SPPL2A: variants seen among roughly 807,000 people sequenced by gnomAD.
SPPL2A encodes signal peptide peptidase like 2A.
SPPL2A carries 51 observed loss-of-function variants against 63.8 expected under a neutral mutation model. That is an observed-to-expected ratio of 0.80 (90% CI 0.64 to 1.01). The LOEUF (loss-of-function observed/expected upper bound fraction) is 1.01. Ranked by LOEUF, SPPL2A falls within the 50% of genes least tolerant of loss-of-function variation. SPPL2A has a pLI of 0.00. For synonymous variants in SPPL2A, 188 were observed against 205.8 expected (o/e 0.91, Z 0.74); for missense variants, 553 against 622.7 (o/e 0.89, Z 1.19).
intron 1 of SPPL2A, among the ~76,000 whole-genome samples, chr15:50,764,800 C>T (rs1248329875): frequency 1.3e-5 from 2 of 152,142 alleles, no homozygotes; most frequent in African/African-American, 4.8e-5. Context: ...TTAACCGACG[C>T]TCCCCACCCA....
chr15:50,735,264 A>C (rs1390611625), intron 8 of SPPL2A, among the ~76,000 whole-genome samples: 1 of 152,054 alleles, frequency 6.6e-6, no homozygotes, highest in Non-Finnish European at 1.5e-5. Flanking sequence ...AGATTCATTC[A>C]CGCCTCTGCA....
chr15:50,728,837 T>C (rs1445227319), intron 10 of SPPL2A, among the ~76,000 whole-genome samples: 8 of 143,564 alleles, frequency 5.6e-5, no homozygotes, highest in African/African-American at 2.1e-4. Context: ...TTTTTTGAGA[T>C]GGAGTCTCGC....
intron 8 of SPPL2A, among the ~76,000 whole-genome samples, chr15:50,733,458 C>T (rs2062745982): frequency 6.6e-6 from 1 of 152,008 alleles, no homozygotes; most frequent in Admixed American, 6.6e-5. Context: ...AGACAGCATA[C>T]TCTATATATT....
rs182201433 is a variant in SPPL2A, at chr15:50,708,567, G to A, written c.1489-693C>T. Among the ~76,000 whole-genome samples, 62 of 151,668 alleles carry A rather than the reference G, an allele frequency of 4.1e-4. 1 individual carries two copies. The highest frequency in any genetic ancestry group is 3.0e-3 in the Admixed American group (46 of 15,228). ...ATAAAAATACAAAAATTAGCTGGGC[G>A]TAGTGGCGGGCGCCTGTAGTTCCAG... is the stretch of plus-strand genomic sequence containing the variant. On this transcript the variant is annotated intron_variant, in intron 14 of 14. Transcript: ENST00000261854.
At chr15:50,738,783 G>A (rs937074111) in intron 6 of SPPL2A, among the ~76,000 whole-genome samples, 2 of 152,004 alleles carry the variant, frequency 1.3e-5, no homozygotes, top group African/African-American at 4.8e-5. Flanking sequence ...GACTGTTCAG[G>A]AGATGGACAA....
chr15:50,730,217 TCTC>T (rs1392057362), intron 10 of SPPL2A, among the ~76,000 whole-genome samples: 1 of 151,988 alleles, frequency 6.6e-6, no homozygotes, highest in Non-Finnish European at 1.5e-5. Flanking sequence ...ACCCAACACC[TCTC>T]CTCATTTTAC....
At chr15:50,735,996 C>T (rs527448036) in intron 8 of SPPL2A, 105 bp downstream of exon 8, 83 of 673,812 alleles carry the variant, frequency 1.2e-4, no homozygotes, top group Non-Finnish European at 2.0e-4. Flanking sequence ...GACTGGTGTT[C>T]TGGCATAGAA....
In SPPL2A at chr15:50,726,350, C is replaced by A; in HGVS notation, c.1117G>T (p.Ala373Ser). 1 of 1,613,970 alleles carries A rather than the reference C, an allele frequency of 6.2e-7. No homozygotes were observed. The highest frequency in any genetic ancestry group is 8.5e-7 in the Non-Finnish European group (1 of 1,179,888). Reference sequence around the variant, plus strand: ...TCATTATTTCCAAAAGGTCCAGCTGCGAGTTCAACCATGATACTCTCACCA... The same window carrying A: ...TCATTATTTCCAAAAGGTCCAGCTGAGAGTTCAACCATGATACTCTCACCA... ...KNGESIMVEL[A>S]AGPFGNNEKL... Residue 373 changes from alanine to serine, a missense_variant, in exon 11 of 15, where the codon GCA becomes TCA. By Grantham distance (99) the Ala-to-Ser change is moderately conservative. Coordinates refer to ENST00000261854, the MANE Select transcript of SPPL2A (RefSeq NM_032802.4).
At chr15:50,729,434 A>G (rs141941646) in intron 10 of SPPL2A, among the ~76,000 whole-genome samples, 4 of 152,336 alleles carry the variant, frequency 2.6e-5, no homozygotes, top group African/African-American at 9.6e-5. Flanking sequence ...AGCTTGGGCA[A>G]TATGGTAAAA....
intron 14 of SPPL2A, among the ~76,000 whole-genome samples, chr15:50,717,028 C>A (rs1166808963): frequency 1.3e-5 from 2 of 152,144 alleles, no homozygotes; most frequent in African/African-American, 4.8e-5. Flanking sequence ...GTTTCCCAAT[C>A]CAGAAGCCCT....
At chr15:50,752,870 C>T (rs377748476) in intron 1 of SPPL2A, among the ~76,000 whole-genome samples, 6 of 152,078 alleles carry the variant, frequency 3.9e-5, no homozygotes, top group East Asian at 1.9e-4. Context: ...GGAAAGATAC[C>T]CAGATCAGGA....
At chr15:50,727,169 T>C (rs1323183252) in intron 10 of SPPL2A, among the ~76,000 whole-genome samples, 1 of 152,194 alleles carries the variant, frequency 6.6e-6, no homozygotes, top group African/African-American at 2.4e-5. Context: ...CGTATTATTG[T>C]AGTGTATCAG....
chr15:50,749,319 A>G (rs940249649), intron 2 of SPPL2A, among the ~76,000 whole-genome samples: 6 of 151,638 alleles, frequency 4.0e-5, no homozygotes, highest in African/African-American at 1.5e-4. Flanking sequence ...ACGAAGTCTC[A>G]CCCTGTTGCC....
chr15:50,755,749 G>A (rs1207916495), intron 1 of SPPL2A, among the ~76,000 whole-genome samples: 2 of 151,196 alleles, frequency 1.3e-5, no homozygotes, highest in Non-Finnish European at 2.9e-5. Context: ...CCCTTCTGGA[G>A]ATTCTGACAT....
intron 14 of SPPL2A, among the ~76,000 whole-genome samples, chr15:50,718,933 G>C (rs531054774): frequency 1.3e-5 from 2 of 152,100 alleles, no homozygotes; most frequent in African/African-American, 4.8e-5. Flanking sequence ...AGTTGTAATA[G>C]GGGAAAGCAG....
intron 1 of SPPL2A, among the ~76,000 whole-genome samples, chr15:50,752,489 G>A (rs544271110): frequency 2.0e-4 from 30 of 152,166 alleles, no homozygotes; most frequent in African/African-American, 6.0e-4. Flanking sequence ...AGGCCGAGGC[G>A]GGTAGACCAC....
chr15:50,751,843 T>G (rs184184313), intron 1 of SPPL2A, among the ~76,000 whole-genome samples: 24 of 152,328 alleles, frequency 1.6e-4, no homozygotes, highest in Admixed American at 1.0e-3. Flanking sequence ...GTTTTTTTGT[T>G]TGAGACGGAG....
At chr15:50,739,953 T>C in intron 5 of SPPL2A, 125 bp from the exon 6 acceptor site, 3 of 456,570 alleles carry the variant, frequency 6.6e-6, no homozygotes, top group Non-Finnish European at 1.0e-5. Flanking sequence ...TTAAAATATT[T>C]TTATTTTATT....
intron 14 of SPPL2A, among the ~76,000 whole-genome samples, chr15:50,711,364 C>T (rs576854871): frequency 2.0e-4 from 30 of 152,118 alleles, no homozygotes; most frequent in African/African-American, 6.7e-4. Flanking sequence ...CACACGCCAC[C>T]ACGCCTGGAT....
Sources: allele counts gnomAD v4.1 joint callset (sites outside exome capture counted in the v4.1 genomes callset), GRCh38; gene constraint gnomAD v4.1.1; transcripts MANE v1.5; gene names NCBI Gene and HGNC (gene_info 2026-07-23, HGNC 2026-07-21).